THOC1: variants seen among roughly 807,000 people sequenced by gnomAD.
THOC1 encodes THO complex 1.
In THOC1, 29 loss-of-function variants were observed where a neutral mutation model predicts 97.3. That is an observed-to-expected ratio of 0.30 (90% CI 0.22 to 0.41). The LOEUF (loss-of-function observed/expected upper bound fraction) is 0.41, where lower values mean the gene tolerates loss of function less well. THOC1 is among the 10% of genes least tolerant of loss of function. The pLI, the probability that THOC1 is intolerant of heterozygous loss-of-function variation, is 1.00. For missense variants in THOC1, 529 were observed against 761.9 expected (o/e 0.69, Z 3.60); for synonymous variants, 255 against 257.0 (o/e 0.99, Z 0.07).
chr18:239,134 T>C (rs1318121252), intron 11 of THOC1, among the ~76,000 whole-genome samples: 1 of 152,220 alleles, frequency 6.6e-6, no homozygotes, highest in African/African-American at 2.4e-5. Flanking sequence ...TTGGTTTTCA[T>C]AAATCTCAGA....
At chr18:253,886 G>C (rs1028199629) in intron 8 of THOC1, among the ~76,000 whole-genome samples, 25 of 149,816 alleles carry the variant, frequency 1.7e-4, no homozygotes, top group African/African-American at 6.1e-4. Flanking sequence ...ATGACTTGTA[G>C]GCCCATTTAC....
chr18:252,649 C>A, intron 8 of THOC1, 37 bp from the exon 9 acceptor site: 1 of 1,530,746 alleles, frequency 6.5e-7, no homozygotes, highest in Middle Eastern at 1.7e-4. Context: ...TGTCATGAAG[C>A]AGTCATCAGA....
At chr18:267,119 C>T (rs1212457003) in intron 1 of THOC1, among the ~76,000 whole-genome samples, 5 of 151,976 alleles carry the variant, frequency 3.3e-5, no homozygotes, top group Non-Finnish European at 7.3e-5. Context: ...CCTATAACTA[C>T]CAAAACACAG....
chr18:253,989 C>A (rs972640864), intron 8 of THOC1, among the ~76,000 whole-genome samples: 3 of 150,350 alleles, frequency 2.0e-5, no homozygotes, highest in African/African-American at 7.4e-5. Flanking sequence ...AGGCTCACTG[C>A]AGCTTGACCT....
chr18:240,712 T>C (rs913217618), intron 11 of THOC1, among the ~76,000 whole-genome samples: 1 of 152,266 alleles, frequency 6.6e-6, no homozygotes, highest in Non-Finnish European at 1.5e-5. Context: ...CCAGGGGTTA[T>C]GGGGTAGAGG....
chr18:214,771 T>G lies in THOC1; in HGVS notation c.1829A>C (p.Lys610Thr). 1.2e-6 allele frequency: 2 copies of G among 1,613,970 alleles called. No homozygotes were observed. The highest frequency in any genetic ancestry group is 1.7e-6 in the Non-Finnish European group (2 of 1,179,884). ...AACCAGGAGCTGCTTAGCTCTCATC[T>G]TCATGTCTTCACTGTCACACTCAAT... is the stretch of plus-strand genomic sequence containing the variant. ...RQIECDSEDM[K>T]MRAKQLLVAW... The change falls in exon 21 of 21, where the codon AAG (lysine) becomes ACG (threonine). Residue 610 changes from lysine to threonine, a missense_variant. Transcript: ENST00000261600.
intron 15 of THOC1, among the ~76,000 whole-genome samples, chr18:224,397 G>A (rs1911202412): frequency 6.6e-6 from 1 of 151,894 alleles, no homozygotes; most frequent in African/African-American, 2.4e-5. Context: ...TGGCCAACAT[G>A]GTGAAAGCCT....
intron 9 of THOC1, among the ~76,000 whole-genome samples, chr18:249,740 A>T (rs1912220068): frequency 6.6e-6 from 1 of 152,142 alleles, no homozygotes; most frequent in African/African-American, 2.4e-5. Context: ...ATAGCACTAT[A>T]TAAATTATTT....
chr18:248,349 C>T (rs549885108), intron 9 of THOC1, among the ~76,000 whole-genome samples: 7 of 152,246 alleles, frequency 4.6e-5, no homozygotes, highest in African/African-American at 1.7e-4. Flanking sequence ...GGCTAGAATG[C>T]AGATGTGAGC....
intron 17 of THOC1, 84 bp from the exon 18 acceptor site, chr18:219,053 G>A (rs1910993295): frequency 5.1e-6 from 2 of 388,664 alleles, no homozygotes; most frequent in South Asian, 5.8e-5. Flanking sequence ...ACAAGATTGT[G>A]GGCATGTGTT....
In THOC1 at chr18:264,216, T is replaced by C. The variant is rs1027000432; in HGVS notation, c.190-124A>G. 28 of 639,904 alleles carry C rather than the reference T, an allele frequency of 4.4e-5. No individual in the cohort carries two copies. The African/African-American group carries it at 5.0e-4, about 12-fold the overall frequency. The allele number at this position is 639,904 out of a possible 1,614,324, so 39.6% of individuals were successfully genotyped here. A position where few individuals can be genotyped will look rare whatever the true frequency, so the allele number is the denominator to read the frequency against. ...GAAATATGGAATACAATATTTCTTA[T>C]AGAAAACAATATTTTCTAATATGAA... On this transcript the variant is annotated intron_variant, in intron 3 of 20. Coordinates refer to ENST00000261600, the MANE Select transcript of THOC1 (RefSeq NM_005131.3).
chr18:237,984 C>T (rs899410549), intron 11 of THOC1, among the ~76,000 whole-genome samples: 2 of 152,006 alleles, frequency 1.3e-5, no homozygotes, highest in African/African-American at 2.4e-5. Flanking sequence ...CCCATGCCTC[C>T]GCCTCTAGGG....
chr18:248,684 A>T (rs941139232), intron 9 of THOC1, among the ~76,000 whole-genome samples: 1 of 152,200 alleles, frequency 6.6e-6, no homozygotes, highest in African/African-American at 2.4e-5. Context: ...TAACTTTATT[A>T]TGGCACTACT....
At chr18:232,365 T>G (rs1911514324) in intron 11 of THOC1, among the ~76,000 whole-genome samples, 1 of 152,156 alleles carries the variant, frequency 6.6e-6, no homozygotes, top group Non-Finnish European at 1.5e-5. Flanking sequence ...CCCAAAGTGC[T>G]GGGATTACAG....
At chr18:261,321 G>A (rs1240319098) in intron 4 of THOC1, among the ~76,000 whole-genome samples, 1 of 152,116 alleles carries the variant, frequency 6.6e-6, no homozygotes, top group Admixed American at 6.5e-5. Flanking sequence ...GGTATATGGA[G>A]GAAAAATATC....
chr18:250,822 TAC>T (rs1409984940), intron 9 of THOC1, among the ~76,000 whole-genome samples: 1 of 152,198 alleles, frequency 6.6e-6, no homozygotes, highest in Non-Finnish European at 1.5e-5. Flanking sequence ...GAATTGTCTA[TAC>T]AGTCTTAGGC....
rs1179398153 is a variant in THOC1, at chr18:264,263, CAT to C, written c.190-173_190-172del. The stretch of plus-strand genomic sequence containing the variant: ...TGAAGTTACCAAAATTTAACAGTAA[CAT>C]ATAGAATCAATAGTCGTAGAAGTAT... On this transcript the variant is annotated intron_variant, in intron 3 of 20. Transcript: ENST00000261600. Among the ~76,000 whole-genome samples the C allele has an allele frequency of 4.6e-5, 7 of 152,234 alleles. No homozygotes were observed. In the East Asian group the frequency reaches 1.4e-3, roughly 29 times the overall value.
intron 11 of THOC1, among the ~76,000 whole-genome samples, chr18:240,854 G>C (rs1911871435): frequency 6.6e-6 from 1 of 152,150 alleles, no homozygotes; most frequent in African/African-American, 2.4e-5. Context: ...CCCTGAGCTT[G>C]TTTACCTGCA....
intron 8 of THOC1, 121 bp from the exon 9 acceptor site, chr18:252,733 A>G: frequency 1.3e-6 from 1 of 763,262 alleles, no homozygotes; most frequent in Non-Finnish European, 2.2e-6. Context: ...AAGTCTAGTC[A>G]CTAACTATCT....
Sources: allele counts gnomAD v4.1 joint callset (sites outside exome capture counted in the v4.1 genomes callset), GRCh38; gene constraint gnomAD v4.1.1; transcripts MANE v1.5; gene names NCBI Gene and HGNC (gene_info 2026-07-23, HGNC 2026-07-21).